Variants in MYOF observed in about 807,000 individuals in gnomAD.
MYOF encodes the protein fer-1-like 3, myoferlin.
MYOF carries 244 observed loss-of-function variants against 284.2 expected under a neutral mutation model. That is an observed-to-expected ratio of 0.86 (90% CI 0.77 to 0.95). MYOF has a LOEUF of 0.95. Among genes scored for constraint, MYOF ranks in the 40% least tolerant of loss-of-function variants. MYOF has a pLI of 0.00. For synonymous variants in MYOF, 904 were observed against 919.7 expected (o/e 0.98, Z 0.31); for missense variants, 2,496 against 2,560.6 (o/e 0.97, Z 0.54).
In MYOF at chr10:93,352,062, G is replaced by A. The variant is rs182577782; in HGVS notation, c.3482-216C>T. ...AGCGAGACCCTGATGTGTACTGAGA[G>A]GTCACTCTTTAGAGTATGTCCCCAC... On this transcript the variant is annotated intron_variant, in intron 32 of 53. Transcript: ENST00000359263. Among the ~76,000 whole-genome samples the A allele has an allele frequency of 6.2e-3, 941 of 152,182 alleles. 4 individuals are homozygous for A. The highest frequency in any genetic ancestry group is 0.01 in the Non-Finnish European group (706 of 68,002).
chr10:93,398,273 A>G (rs1325619028), intron 13 of MYOF, among the ~76,000 whole-genome samples: 1 of 152,052 alleles, frequency 6.6e-6, no homozygotes, highest in Admixed American at 6.6e-5. Context: ...CAATCTCTGC[A>G]TATCCAGGCC....
Position 93,343,749 on chromosome 10 carries a change from G to A in MYOF, c.4326+107C>T, listed in dbSNP as rs1371115777. On this transcript the variant is annotated intron_variant, in intron 38 of 53. Transcript: ENST00000359263. ...GTCCTCAATAAATGGATTGGCTGAT[G>A]ATTATAATTGCAACAAACTGTTGTT... The A allele has an allele frequency of 4.3e-6, 5 of 1,158,224 alleles. No homozygotes were observed. The African/African-American group carries it at 4.5e-5, about 11-fold the overall frequency. The allele number at this position is 1,158,224 out of a possible 1,614,324, so 71.7% of individuals were successfully genotyped here.
intron 3 of MYOF, among the ~76,000 whole-genome samples, chr10:93,438,262 C>T (rs1394160912): frequency 1.3e-5 from 2 of 152,168 alleles, no homozygotes; most frequent in East Asian, 1.9e-4. Context: ...CACCCCATCT[C>T]TCTTCCTTCC....
intron 7 of MYOF, among the ~76,000 whole-genome samples, chr10:93,405,945 C>A (rs909400778): frequency 6.6e-6 from 1 of 150,650 alleles, no homozygotes. Context: ...TTACAGCCAC[C>A]CATCACCATG....
At chr10:93,335,693 C>A (rs894875759) in intron 41 of MYOF, among the ~76,000 whole-genome samples, 2 of 150,872 alleles carry the variant, frequency 1.3e-5, no homozygotes, top group Admixed American at 6.6e-5. Context: ...GTGCTCTGGC[C>A]CCCCTCCCCC....
chr10:93,393,097 T>A, intron 16 of MYOF, 142 bp from the exon 17 acceptor site: 1 of 701,502 alleles, frequency 1.4e-6, no homozygotes, highest in Non-Finnish European at 2.5e-6. Flanking sequence ...AAGTCACATA[T>A]GACCCTTTTG....
intron 7 of MYOF, among the ~76,000 whole-genome samples, 184 bp from the exon 8 acceptor site, chr10:93,404,403 C>A (rs972405006): frequency 6.6e-6 from 1 of 152,078 alleles, no homozygotes; most frequent in Non-Finnish European, 1.5e-5. Context: ...CATGGTAAAC[C>A]CACTTCTTCA....
chr10:93,418,473 T>C (rs1848223948), intron 5 of MYOF, among the ~76,000 whole-genome samples: 1 of 152,194 alleles, frequency 6.6e-6, no homozygotes, highest in Admixed American at 6.6e-5. Flanking sequence ...TTTTCTAGCA[T>C]GTTCCAATAT....
intron 5 of MYOF, 29 bp downstream of exon 5, chr10:93,426,042 T>C (rs371183474): frequency 7.8e-6 from 12 of 1,539,290 alleles, no homozygotes; most frequent in Non-Finnish European, 8.8e-7. Context: ...CCCCTGGGGG[T>C]GGCTGGGCCT....
intron 1 of MYOF, among the ~76,000 whole-genome samples, chr10:93,471,785 A>G (rs2057152488): frequency 6.6e-6 from 1 of 151,816 alleles, no homozygotes. Context: ...GCTACTCAGG[A>G]GGCTGAGGCA....
At chr10:93,436,607 A>G (rs1208183110) in intron 3 of MYOF, among the ~76,000 whole-genome samples, 5 of 152,208 alleles carry the variant, frequency 3.3e-5, no homozygotes, top group Non-Finnish European at 7.3e-5. Flanking sequence ...AGGAGTTTTC[A>G]TTGTGAATTG....
At chr10:93,335,184 A>G (rs1315307068) in intron 41 of MYOF, among the ~76,000 whole-genome samples, 1 of 152,180 alleles carries the variant, frequency 6.6e-6, no homozygotes, top group Admixed American at 6.5e-5. Context: ...ACCACAAAGC[A>G]GGTAGAAAGG....
chr10:93,343,097 C>T (rs1844001867), intron 38 of MYOF, among the ~76,000 whole-genome samples: 1 of 152,034 alleles, frequency 6.6e-6, no homozygotes, highest in Admixed American at 6.6e-5. Flanking sequence ...TATTAAAGTG[C>T]AATCATGTGC....
Position 93,306,775 on chromosome 10 carries a change from G to T in MYOF, c.*188C>A. On this transcript the variant is annotated 3_prime_UTR_variant, in exon 54 of 54. Transcript: ENST00000359263. ...ACTTTTAATACTTAAGAGATAACATGATGCAAACGTTGCTTGTTGGCCTGA... is the reference window on the plus strand; with the variant it reads ...ACTTTTAATACTTAAGAGATAACATTATGCAAACGTTGCTTGTTGGCCTGA... 1.6e-6 allele frequency: 1 copy of T among 621,930 alleles called. No homozygotes were observed. The highest frequency in any genetic ancestry group is 2.9e-6 in the Non-Finnish European group (1 of 348,382). 38.5% of individuals were successfully genotyped at this position (621,930 alleles called of 1,614,324 possible).
chr10:93,364,433 T>C (rs7072960), intron 26 of MYOF, among the ~76,000 whole-genome samples: 7,465 of 152,304 alleles, frequency 0.049, 581 homozygotes, highest in African/African-American at 0.17. Flanking sequence ...TGCTCAGCTT[T>C]ATCTCAATGA....
chr10:93,447,473 C>A (rs755158067), intron 3 of MYOF, among the ~76,000 whole-genome samples: 4 of 152,216 alleles, frequency 2.6e-5, no homozygotes, highest in Non-Finnish European at 5.9e-5. Flanking sequence ...TAAGCCCCTA[C>A]ACCTGGAACT....
chr10:93,469,375 TG>T (rs2134378551), intron 1 of MYOF, among the ~76,000 whole-genome samples: 2 of 150,122 alleles, frequency 1.3e-5, no homozygotes, highest in African/African-American at 4.9e-5. Flanking sequence ...AACTCCAGCC[TG>T]GGCGACAGAG....
At chr10:93,397,062 C>T (rs937950877) in intron 15 of MYOF, 185 bp downstream of exon 15, 16 of 501,122 alleles carry the variant, frequency 3.2e-5, no homozygotes, top group East Asian at 1.6e-4. Flanking sequence ...CCGAAATAAT[C>T]GAAGCTTTTT....
intron 5 of MYOF, among the ~76,000 whole-genome samples, chr10:93,417,480 A>G (rs1479460514): frequency 6.6e-6 from 1 of 152,086 alleles, no homozygotes; most frequent in African/African-American, 2.4e-5. Context: ...TGGCAGCCCT[A>G]GAGGACCTCG....
Sources: allele counts gnomAD v4.1 joint callset (sites outside exome capture counted in the v4.1 genomes callset), GRCh38; gene constraint gnomAD v4.1.1; transcripts MANE v1.5; gene names NCBI Gene and HGNC (gene_info 2026-07-23, HGNC 2026-07-21).